NLGN1: variants seen among roughly 807,000 people sequenced by gnomAD.
The protein encoded by NLGN1 is neuroligin-1.
NLGN1 carries 12 observed loss-of-function variants against 65.5 expected under a neutral mutation model. That is an observed-to-expected ratio of 0.18 (90% CI 0.12 to 0.30). The LOEUF (loss-of-function observed/expected upper bound fraction) is 0.30, where lower values mean the gene tolerates loss of function less well. Ranked by LOEUF, NLGN1 falls within the 10% of genes least tolerant of loss-of-function variation. The pLI is 1.00. For synonymous variants in NLGN1, 350 were observed against 359.5 expected, an observed-to-expected ratio of 0.97 and a Z score of 0.30; for missense variants, 750 against 1,007.1, an observed-to-expected ratio of 0.74 and a Z score of 3.46.
chr3:174,033,966 A>T (rs369294171), intron 4 of NLGN1, among the ~76,000 whole-genome samples: 1 of 152,124 alleles, frequency 6.6e-6, no homozygotes, highest in African/African-American at 2.4e-5. Context: ...AGCAAACACC[A>T]AACAGGATAG....
chr3:173,561,822 A>G (rs549095883), intron 2 of NLGN1, among the ~76,000 whole-genome samples: 6 of 152,194 alleles, frequency 3.9e-5, no homozygotes, highest in Non-Finnish European at 7.3e-5. Flanking sequence ...CCCTGTCTGT[A>G]ATGAATTTAA....
At chr3:173,988,343 G>A (rs927385564) in intron 4 of NLGN1, among the ~76,000 whole-genome samples, 9 of 152,158 alleles carry the variant, frequency 5.9e-5, no homozygotes, top group African/African-American at 2.2e-4. Context: ...CAGGTTTTGT[G>A]TGTGTTAGAT....
intron 3 of NLGN1, among the ~76,000 whole-genome samples, chr3:173,771,095 C>T (rs749220182): frequency 1.3e-4 from 20 of 152,178 alleles, no homozygotes; most frequent in Non-Finnish European, 2.4e-4. Context: ...TTCACTGAGA[C>T]CTCACAGAGA....
At chr3:173,578,008 A>G (rs148942133) in intron 2 of NLGN1, among the ~76,000 whole-genome samples, 1,933 of 152,208 alleles carry the variant, frequency 0.013, 18 homozygotes, top group Middle Eastern at 0.017. Flanking sequence ...AGGCTGAGGC[A>G]GGTGGATCAC....
intron 2 of NLGN1, among the ~76,000 whole-genome samples, chr3:173,481,886 A>G (rs1380988171): frequency 6.6e-6 from 1 of 151,978 alleles, no homozygotes; most frequent in Non-Finnish European, 1.5e-5. Flanking sequence ...ACACTTTGGT[A>G]AGTGACAAAA....
At chr3:173,452,259 G>A (rs1004330314) in intron 2 of NLGN1, among the ~76,000 whole-genome samples, 1 of 151,788 alleles carries the variant, frequency 6.6e-6, no homozygotes, top group Non-Finnish European at 1.5e-5. Context: ...GCAGTGGCGC[G>A]ATCTTGGCTC....
At chr3:173,862,401 G>A (rs1419495101) in intron 4 of NLGN1, among the ~76,000 whole-genome samples, 1 of 149,736 alleles carries the variant, frequency 6.7e-6, no homozygotes, top group Non-Finnish European at 1.5e-5. Flanking sequence ...AGCTACTTGG[G>A]AGGCTGAGGC....
chr3:173,486,229 G>A (rs1013250513), intron 2 of NLGN1, among the ~76,000 whole-genome samples: 1 of 151,598 alleles, frequency 6.6e-6, no homozygotes, highest in Non-Finnish European at 1.5e-5. Context: ...TATTTTTTTA[G>A]CTTTTAGTTT....
rs766630341 is a variant in NLGN1 at position 174,279,692 on chromosome 3, T to C, written c.1649+42T>C. ...TGAAGTTTATTTTTAATAAAAATGT[T>C]ATTTTAACCATTTTAAAATAATAGA... On this transcript the variant is annotated intron_variant, in intron 6 of 6. Coordinates refer to ENST00000457714, the Ensembl canonical transcript of NLGN1. This position sits in a 1 kb window ranked among gnomAD's most constrained non-coding sequence, Gnocchi z 4.7. The C allele has an allele frequency of 8.3e-6, 10 of 1,209,840 alleles. No homozygotes were observed. The African/African-American group carries it at 1.4e-4, about 17-fold the overall frequency. 74.9% of individuals were successfully genotyped at this position (1,209,840 alleles called of 1,614,324 possible). A position where few individuals can be genotyped will look rare whatever the true frequency, so the allele number is the denominator to read the frequency against.
At chr3:173,974,645 T>TG (rs774435788) in intron 4 of NLGN1, among the ~76,000 whole-genome samples, 131 of 152,052 alleles carry the variant, frequency 8.6e-4, no homozygotes, top group South Asian at 1.7e-3. Context: ...TGATTACTTT[T>TG]GGGGGGGTGC....
At chr3:173,704,062 G>A (rs2149898561) in intron 3 of NLGN1, among the ~76,000 whole-genome samples, 1 of 152,248 alleles carries the variant, frequency 6.6e-6, no homozygotes, top group East Asian at 1.9e-4. Flanking sequence ...TTGTGTTATT[G>A]CCTGCCTTTT....
rs141692316 is a variant in NLGN1, at chr3:173,881,161, C to G, written c.646+73329C>G. 4.4e-3 allele frequency among the ~76,000 whole-genome samples: 618 copies of G among 139,508 alleles called. 9 individuals carry two copies. The highest frequency in any genetic ancestry group is 0.015 in the African/African-American group (564 of 36,916). 91.5% of individuals were successfully genotyped at this position (139,508 alleles called of 152,430 possible). On this transcript the variant is annotated intron_variant, in intron 4 of 6. Transcript: ENST00000457714. ...TCACCCAGGCTGGAGTGCAGTGGTG[C>G]GATCTCAGCTCACTGCAACTGCCGC...
intron 4 of NLGN1, among the ~76,000 whole-genome samples, chr3:174,164,090 C>G (rs1347830428): frequency 6.6e-6 from 1 of 152,016 alleles, no homozygotes; most frequent in Admixed American, 6.6e-5. Flanking sequence ...GCCTCATCAG[C>G]ATCTGTTGTT....
At chr3:174,291,543 A>G (rs1001107102), downstream of NLGN1, among the ~76,000 whole-genome samples, 1 of 151,302 alleles carries the variant, frequency 6.6e-6, no homozygotes, top group Non-Finnish European at 1.5e-5. Context: ...ATATAATTAG[A>G]TCATCATCAG....
intron 3 of NLGN1, among the ~76,000 whole-genome samples, chr3:173,729,671 T>C (rs1187172620): frequency 6.6e-6 from 1 of 152,072 alleles, no homozygotes; most frequent in Non-Finnish European, 1.5e-5. Context: ...CTAAGTTTAA[T>C]TTTTACGGAG....
At chr3:174,162,516 A>G (rs1726742770) in intron 4 of NLGN1, among the ~76,000 whole-genome samples, 1 of 151,946 alleles carries the variant, frequency 6.6e-6, no homozygotes, top group African/African-American at 2.4e-5. Context: ...GCTTTTTAAG[A>G]GCAACTGCTA....
intron 3 of NLGN1, among the ~76,000 whole-genome samples, chr3:173,740,958 A>G (rs1180543591): frequency 6.6e-6 from 1 of 152,182 alleles, no homozygotes; most frequent in East Asian, 1.9e-4. Flanking sequence ...GCCTACAGAA[A>G]AAACAGCTTT....
intron 2 of NLGN1, among the ~76,000 whole-genome samples, chr3:173,555,254 G>T (rs1188747598): frequency 6.6e-6 from 1 of 152,152 alleles, no homozygotes; most frequent in African/African-American, 2.4e-5. Context: ...AATTGAGATG[G>T]TTGTATGACT....
intron 2 of NLGN1, among the ~76,000 whole-genome samples, chr3:173,463,614 T>G (rs1723775222): frequency 6.6e-6 from 1 of 152,190 alleles, no homozygotes; most frequent in Non-Finnish European, 1.5e-5. Context: ...TTGGCTAACT[T>G]CTTAAGGCAA....
Sources: gnomAD v4.1 joint callset for allele counts (sites outside exome capture counted in the v4.1 genomes callset) on GRCh38, gnomAD v4.1.1 for gene constraint, Gnocchi (gnomAD v3.1) non-coding constraint, MANE v1.5 for transcripts, NCBI Gene and HGNC (gene_info 2026-07-23, HGNC 2026-07-21) for gene names.